SRGAP2C: variants seen among roughly 807,000 people sequenced by gnomAD.
SRGAP2C encodes the protein SLIT-ROBO Rho GTPase activating protein 2C, also known as SLIT-ROBO Rho GTPase-activating protein 2C.
SRGAP2C carries 15 observed loss-of-function variants against 25.1 expected under a neutral mutation model. The ratio of observed to expected loss-of-function variants is 0.60; its 90% CI spans 0.40 to 0.92. The LOEUF (loss-of-function observed/expected upper bound fraction) is 0.92, where lower values mean the gene tolerates loss of function less well. Ranked by LOEUF, SRGAP2C falls within the 40% of genes least tolerant of loss-of-function variation. The probability of loss-of-function intolerance (pLI) is 0.00; values close to 1 mark genes in which losing one functional copy is unlikely to be tolerated. For missense variants in SRGAP2C, 144 were observed against 264.4 expected, an observed-to-expected ratio of 0.54 and a Z score of 3.16; for synonymous variants, 44 against 96.6, an observed-to-expected ratio of 0.46 and a Z score of 3.19.
intron 4 of SRGAP2C, among the ~76,000 whole-genome samples, chr1:121,362,559 G>A (rs1659220520): frequency 1.3e-5 from 2 of 150,534 alleles, no homozygotes; most frequent in South Asian, 4.2e-4. Flanking sequence ...GTAAGCAACA[G>A]GGTAGAGGAA....
intron 3 of SRGAP2C, 48 bp from the exon 4 acceptor site, chr1:121,324,430 C>G (rs1553341469): frequency 6.3e-5 from 100 of 1,590,828 alleles, no homozygotes; most frequent in Non-Finnish European, 8.3e-5. Context: ...AGATGTTGCC[C>G]TGGCTGTGTA....
At chr1:121,315,122 T>G (rs1314293332) in intron 3 of SRGAP2C, 2 of 451,518 alleles carry the variant, frequency 4.4e-6, no homozygotes, top group East Asian at 6.4e-5. Flanking sequence ...GGCACGGCTC[T>G]GTGTCCTCCC....
rs1438651553 is a variant in SRGAP2C, at chr1:121,377,109, T to A, written c.831+2155T>A. Among the ~76,000 whole-genome samples the A allele has an allele frequency of 3.8e-3, 506 of 132,748 alleles. 6 individuals carry two copies. The highest frequency in any genetic ancestry group is 0.013 in the African/African-American group (482 of 37,602). 87.1% of individuals were successfully genotyped at this position (132,748 alleles called of 152,430 possible). On this transcript the variant is annotated intron_variant, in intron 7 of 9. Transcript: ENST00000367123. ...GTATTTTGTACCTTATTTTCATCAT[T>A]TAAAAAAAAAAAAACGTCTGCTAAG...
At chr1:121,362,633 G>A (rs1354648520) in intron 4 of SRGAP2C, 11 of 152,296 alleles carry the variant, frequency 7.2e-5, no homozygotes, top group Admixed American at 7.2e-4. Flanking sequence ...ACGATAGGCT[G>A]GCAGGAGGAG....
At chr1:121,288,827 C>A (rs1657428962) in intron 3 of SRGAP2C, among the ~76,000 whole-genome samples, 1 of 66,764 alleles carries the variant, frequency 1.5e-5, no homozygotes, top group South Asian at 3.9e-4. Flanking sequence ...AAACCTTGAG[C>A]TAGATTCAGA....
intron 2 of SRGAP2C, 60 bp from the exon 3 acceptor site, chr1:121,284,743 C>T: frequency 4.4e-6 from 2 of 451,626 alleles, no homozygotes; most frequent in Non-Finnish European, 7.5e-6. Context: ...TGAATATTGG[C>T]ATGCATGGTG....
intron 2 of SRGAP2C, among the ~76,000 whole-genome samples, chr1:121,260,738 C>T (rs1233518613): frequency 1.0e-5 from 1 of 96,524 alleles, no homozygotes; most frequent in Non-Finnish European, 2.1e-5. Flanking sequence ...CCATGCGCCC[C>T]CACCCCCCAT....
chr1:121,221,959 T>C (rs181716709), intron 2 of SRGAP2C, among the ~76,000 whole-genome samples: 60 of 152,274 alleles, frequency 3.9e-4, no homozygotes, highest in African/African-American at 1.4e-3. Flanking sequence ...GCAAACAGAA[T>C]TTGTTCACAC....
At chr1:121,343,158 C>T (rs1471759659) in intron 4 of SRGAP2C, among the ~76,000 whole-genome samples, 59 of 151,916 alleles carry the variant, frequency 3.9e-4, no homozygotes, top group African/African-American at 1.4e-3. Context: ...AAAAGAATTA[C>T]CCCTGTGCTT....
intron 2 of SRGAP2C, among the ~76,000 whole-genome samples, chr1:121,238,264 T>C (rs1291955192): frequency 6.7e-6 from 1 of 149,566 alleles, no homozygotes; most frequent in Non-Finnish European, 1.5e-5. Context: ...AAAGGAAGAG[T>C]GTTGTGTAAA....
rs1160296395 is a variant in SRGAP2C, at chr1:121,388,780, A to AT, written c.*931dup. The AT allele has an allele frequency of 2.2e-5, 1 of 45,162 alleles. No individual in the cohort carries two copies. Among genetic ancestry groups the AT allele is most frequent in the Non-Finnish European group, 4.4e-5 (1 of 22,490 alleles). 2.8% of individuals were successfully genotyped at this position (45,162 alleles called of 1,614,324 possible). ...GTAAGAACACTAATGATTTGCTAAT[A>AT]TTTTTTAAAGAAATCTGTTTTTTTA... is the stretch of plus-strand genomic sequence containing the variant. On this transcript the variant is annotated 3_prime_UTR_variant, in exon 10 of 10. Transcript: ENST00000367123.
intron 4 of SRGAP2C, among the ~76,000 whole-genome samples, chr1:121,347,471 T>C (rs1272139995): frequency 6.1e-5 from 9 of 146,754 alleles, no homozygotes; most frequent in Middle Eastern, 3.2e-3. Flanking sequence ...TCCTCCAGAA[T>C]ATTTAGGGTT....
At chr1:121,374,362 G>A (rs1256948615) in intron 6 of SRGAP2C, among the ~76,000 whole-genome samples, 176 bp downstream of exon 6, 2 of 151,690 alleles carry the variant, frequency 1.3e-5, no homozygotes, top group Non-Finnish European at 2.9e-5. Flanking sequence ...CTAGGTATTG[G>A]AAGAACTGGG....
intron 5 of SRGAP2C, among the ~76,000 whole-genome samples, chr1:121,370,183 G>T (rs1417641125): frequency 1.3e-5 from 1 of 78,586 alleles, no homozygotes; most frequent in Non-Finnish European, 2.6e-5. Flanking sequence ...TCTTATCTTG[G>T]ATGGTCACAT....
chr1:121,322,136 AC>A (rs1354438565), intron 3 of SRGAP2C, among the ~76,000 whole-genome samples: 5 of 144,578 alleles, frequency 3.5e-5, no homozygotes, highest in South Asian at 4.2e-4. Context: ...ACCAGTATAG[AC>A]CCCCCCAATC....
chr1:121,374,721 G>C, intron 6 of SRGAP2C, 105 bp from the exon 7 acceptor site: 1 of 646,606 alleles, frequency 1.5e-6, no homozygotes, highest in Middle Eastern at 3.7e-4. Flanking sequence ...CGCATAGGGA[G>C]TAGCAACACA....
intron 3 of SRGAP2C, among the ~76,000 whole-genome samples, chr1:121,304,038 A>G (rs1380914329): frequency 7.6e-5 from 7 of 92,338 alleles, no homozygotes; most frequent in Non-Finnish European, 1.4e-4. Context: ...CCCTGTCTCT[A>G]CTAAAAAATA....
At chr1:121,271,081 G>C (rs1656943305) in intron 2 of SRGAP2C, among the ~76,000 whole-genome samples, 1 of 151,452 alleles carries the variant, frequency 6.6e-6, no homozygotes. Context: ...ATAGGCGTGA[G>C]CCACCGCGCC....
rs1435787527 is a variant in SRGAP2C, at chr1:121,301,041, CA to C, written c.260+16055del. 2.7e-4 allele frequency among the ~76,000 whole-genome samples: 19 copies of C among 70,548 alleles called. 6 individuals carry two copies. The East Asian group carries it at 8.3e-3, about 31-fold the overall frequency. The allele number at this position is 70,548 out of a possible 152,430, so 46.3% of individuals were successfully genotyped here. On this transcript the variant is annotated intron_variant, in intron 3 of 9. Transcript: ENST00000367123. ...TGGGTGACAGAGCGAGACTCCATCTCAAAAAAAAACAACAACAAAAAACAGA... is the reference window on the plus strand; with the variant it reads ...TGGGTGACAGAGCGAGACTCCATCTCAAAAAAAACAACAACAAAAAACAGA...
Sources: gnomAD v4.1 joint callset for allele counts (sites outside exome capture counted in the v4.1 genomes callset) on GRCh38, gnomAD v4.1.1 for gene constraint, MANE v1.5 for transcripts, NCBI Gene and HGNC (gene_info 2026-07-23, HGNC 2026-07-21) for gene names.